The following RLN2 variants were observed in gnomAD, a reference collection of about 807,000 sequenced individuals.
RLN2 encodes prorelaxin H2.
A neutral mutation model predicts 7.3 loss-of-function variants in RLN2; 10 were observed. That is an observed-to-expected ratio of 1.36 (90% CI 0.84 to 2.31). The LOEUF is 2.31. Ranked by LOEUF, RLN2 falls within the 30% of genes most tolerant of loss-of-function variation. The pLI is 0.00. For synonymous variants in RLN2, 103 were observed against 82.3 expected (o/e 1.25, Z -1.36); for missense variants, 298 against 217.6 (o/e 1.37, Z -2.32).
upstream of RLN2, chr9:5,305,010 A>G (rs115666604): frequency 6.3e-3 from 1,070 of 168,982 alleles, 24 homozygotes; most frequent in African/African-American, 0.025. Flanking sequence ...TAGAGTGAAC[A>G]TTTGCCAAAA....
At chr9:5,303,024 A>G (rs1176647671) in intron 1 of RLN2, among the ~76,000 whole-genome samples, 1 of 106,084 alleles carries the variant, frequency 9.4e-6, no homozygotes, top group East Asian at 2.5e-4. Context: ...TAATATGAGC[A>G]TTACTACTTT....
the RLN2 span, among the ~76,000 whole-genome samples, chr9:5,322,059 C>T: frequency 2.6e-5 from 4 of 152,006 alleles, no homozygotes; most frequent in Non-Finnish European, 4.4e-5. Flanking sequence ...GTGCCCAAAT[C>T]CGAATGGATG....
At chr9:5,315,140 A>C in the RLN2 span, among the ~76,000 whole-genome samples, 89 of 152,044 alleles carry the variant, frequency 5.9e-4, no homozygotes, top group Admixed American at 2.3e-3. Context: ...GAAGTTTATG[A>C]GTTGCCTGAA....
chr9:5,333,491 A>C, the RLN2 span, among the ~76,000 whole-genome samples: 1 of 152,040 alleles, frequency 6.6e-6, no homozygotes, highest in African/African-American at 2.4e-5. Flanking sequence ...TGAATCCCTG[A>C]ATAGACAATG....
chr9:5,306,603 A>T (rs1376493710), upstream of RLN2, among the ~76,000 whole-genome samples: 2 of 152,070 alleles, frequency 1.3e-5, no homozygotes, highest in Non-Finnish European at 2.9e-5. Context: ...CACAACTAAA[A>T]GGCATTTCAA....
chr9:5,324,406 T>C, the RLN2 span, among the ~76,000 whole-genome samples: 6 of 152,082 alleles, frequency 3.9e-5, 1 homozygote, highest in South Asian at 1.2e-3. Context: ...TACATTATAA[T>C]TTGACATTTA....
chr9:5,338,024 G>C, the RLN2 span, among the ~76,000 whole-genome samples: 14 of 147,226 alleles, frequency 9.5e-5, no homozygotes, highest in African/African-American at 2.7e-4. Flanking sequence ...AAATGCAAAA[G>C]ATATATACAT....
intron 1 of RLN2, among the ~76,000 whole-genome samples, chr9:5,301,565 G>T (rs1340864824): frequency 6.6e-6 from 1 of 152,180 alleles, no homozygotes; most frequent in African/African-American, 2.4e-5. Flanking sequence ...ATCAGGTCTT[G>T]CTGCTCTTCT....
the RLN2 span, among the ~76,000 whole-genome samples, chr9:5,319,021 G>A: frequency 3.9e-5 from 6 of 151,974 alleles, no homozygotes; most frequent in African/African-American, 9.7e-5. Flanking sequence ...ACCTTATAGT[G>A]AGATACATTC....
the RLN2 span, among the ~76,000 whole-genome samples, chr9:5,325,147 T>A: frequency 1.3e-5 from 2 of 151,986 alleles, no homozygotes; most frequent in Non-Finnish European, 2.9e-5. Context: ...CCTTAATTAT[T>A]ACTATTATTT....
chr9:5,330,401 G>T, the RLN2 span, among the ~76,000 whole-genome samples: 1 of 151,910 alleles, frequency 6.6e-6, no homozygotes, highest in African/African-American at 2.4e-5. Flanking sequence ...CACTTTGGGA[G>T]GCAGAGGAGG....
chr9:5,316,719 G>C, the RLN2 span, among the ~76,000 whole-genome samples: 152 of 151,956 alleles, frequency 1.0e-3, no homozygotes, highest in Non-Finnish European at 7.8e-4. Flanking sequence ...TTGGTTCCAA[G>C]TCTTTACTAT....
chr9:5,315,559 G>C, the RLN2 span, among the ~76,000 whole-genome samples: 1 of 151,992 alleles, frequency 6.6e-6, no homozygotes, highest in African/African-American at 2.4e-5. Flanking sequence ...AACTTCCCAA[G>C]TTTTGAAAGA....
At chr9:5,337,032 T>C in the RLN2 span, among the ~76,000 whole-genome samples, 2 of 152,084 alleles carry the variant, frequency 1.3e-5, no homozygotes, top group Non-Finnish European at 2.9e-5. Context: ...CTGTAGTATT[T>C]TGTCTTTGCC....
the RLN2 span, chr9:5,311,638 G>C: frequency 1.5e-6 from 2 of 1,316,324 alleles, no homozygotes; most frequent in South Asian, 2.3e-5. Flanking sequence ...CTGGCAAGGA[G>C]GGGAATAACC....
upstream of RLN2, among the ~76,000 whole-genome samples, chr9:5,306,447 C>G (rs114683801): frequency 6.1e-3 from 932 of 151,968 alleles, 17 homozygotes; most frequent in African/African-American, 0.021. Flanking sequence ...GTACAATGCC[C>G]GCTTTCCCAT....
chr9:5,305,597 G>A (rs1374714791), upstream of RLN2, among the ~76,000 whole-genome samples: 2 of 151,912 alleles, frequency 1.3e-5, no homozygotes, highest in African/African-American at 4.8e-5. Flanking sequence ...CACTGTTCTA[G>A]GTAATATGGT....
At chr9:5,328,045 T>C in the RLN2 span, among the ~76,000 whole-genome samples, 14 of 151,900 alleles carry the variant, frequency 9.2e-5, 1 homozygote, top group Non-Finnish European at 1.5e-4. Flanking sequence ...GGAACAAAAC[T>C]GGACAGAGAA....
the RLN2 span, among the ~76,000 whole-genome samples, chr9:5,321,967 T>C: frequency 6.6e-6 from 1 of 152,046 alleles, no homozygotes; most frequent in Admixed American, 6.6e-5. Flanking sequence ...TATTTCCTTT[T>C]ATTTCAAAAC....
Sources: allele counts gnomAD v4.1 joint callset (sites outside exome capture counted in the v4.1 genomes callset), GRCh38; gene constraint gnomAD v4.1.1; transcripts MANE v1.5; gene names NCBI Gene and HGNC (gene_info 2026-07-23, HGNC 2026-07-21).